Variants in GP9 observed in about 807,000 individuals in gnomAD.
GP9 encodes glycoprotein IX platelet.
For synonymous variants in GP9, 116 were observed against 116.7 expected (o/e 0.99, Z 0.04); for missense variants, 228 against 241.8 (o/e 0.94, Z 0.38).
chr3:129,060,597 C>T (rs1448988587), upstream of GP9, among the ~76,000 whole-genome samples: 2 of 152,388 alleles, frequency 1.3e-5, no homozygotes, highest in Non-Finnish European at 2.9e-5. Context: ...AAGGCACTGG[C>T]GGCACAGTGG....
At chr3:129,060,400 T>C (rs564379778), upstream of GP9, among the ~76,000 whole-genome samples, 1 of 152,350 alleles carries the variant, frequency 6.6e-6, no homozygotes, top group South Asian at 2.1e-4. Flanking sequence ...CAGTGGGAGC[T>C]GCCCAGCCCA....
At chr3:129,055,139 G>A in the GP9 span, among the ~76,000 whole-genome samples, 1 of 152,144 alleles carries the variant, frequency 6.6e-6, no homozygotes, top group Non-Finnish European at 1.5e-5. Context: ...AAAAGGAGGA[G>A]GTATAACGAG....
upstream of GP9, among the ~76,000 whole-genome samples, chr3:129,059,598 C>T (rs770892121): frequency 6.6e-6 from 1 of 152,176 alleles, no homozygotes; most frequent in African/African-American, 2.4e-5. Context: ...CTTCCCCACC[C>T]TTCTCTGAGC....
chr3:129,057,358 A>G (rs1436661210), upstream of GP9, among the ~76,000 whole-genome samples: 1 of 152,150 alleles, frequency 6.6e-6, no homozygotes, highest in Non-Finnish European at 1.5e-5. Context: ...ATCAGGAGGA[A>G]GCCATGTGGG....
At chr3:129,057,957 C>T (rs779497340), upstream of GP9, among the ~76,000 whole-genome samples, 6 of 151,884 alleles carry the variant, frequency 4.0e-5, no homozygotes, top group Admixed American at 6.6e-5. Context: ...CCTCAGCCTC[C>T]CAAGTAGCTG....
upstream of GP9, among the ~76,000 whole-genome samples, chr3:129,058,896 T>C (rs1002004061): frequency 3.9e-5 from 6 of 152,226 alleles, no homozygotes; most frequent in African/African-American, 1.2e-4. Flanking sequence ...AAGCCCTGAT[T>C]TGGGGGCTCA....
chr3:129,062,250 G>C lies in GP9; in HGVS notation c.511G>C (p.Ala171Pro), dbSNP rs986347849. 4 of 1,555,042 alleles carry C rather than the reference G, an allele frequency of 2.6e-6. No homozygotes were observed. Among genetic ancestry groups the C allele is most frequent in the Non-Finnish European group, 3.5e-6 (4 of 1,151,446 alleles). Reference sequence around the variant, plus strand: ...GGCTCTTCTGGCTGGCCTGCTGTGTGCCACCACAGAGGCCCTGGATTGAGC... The same window carrying C: ...GGCTCTTCTGGCTGGCCTGCTGTGTCCCACCACAGAGGCCCTGGATTGAGC... ...GLALLAGLLC[A>P]TTEALD The change falls in exon 3 of 3, where the codon GCC becomes CCC. Residue 171 changes from alanine (A) to proline (P), a missense_variant. By Grantham distance (27) the Ala-to-Pro change is conservative (BLOSUM62 -1). Transcript: ENST00000307395.
chr3:129,059,372 C>T (rs1016791426), upstream of GP9, among the ~76,000 whole-genome samples: 1 of 152,106 alleles, frequency 6.6e-6, no homozygotes, highest in African/African-American at 2.4e-5. Flanking sequence ...CTCCAGAACC[C>T]CTTACCCACC....
upstream of GP9, among the ~76,000 whole-genome samples, chr3:129,058,596 T>C (rs1009779088): frequency 2.0e-5 from 3 of 152,218 alleles, no homozygotes; most frequent in African/African-American, 4.8e-5. Context: ...ACAAATGCCA[T>C]GGCAGCACGC....
At chr3:129,061,470 A>T (rs1238133832) in intron 1 of GP9, 24 bp from the exon 2 acceptor site, 1 of 571,742 alleles carries the variant, frequency 1.7e-6, no homozygotes, top group East Asian at 3.0e-5. Context: ...CCCCTTCCCA[A>T]AAACAAACTT....
At position 129,061,632 on chromosome 3, in the gene GP9, C is replaced by T. The variant is rs1946575627; in HGVS notation, c.-13+13C>T. On this transcript the variant is annotated intron_variant, in intron 2 of 2. Coordinates refer to ENST00000307395, the MANE Select transcript of GP9 (RefSeq NM_000174.5). ...CCCGAGAAGGGAGGTGAGTGCACCC[C>T]GTCCCATGTCAGGCTCCGCTACATC... 1.3e-5 allele frequency: 12 copies of T among 924,712 alleles called. No individual in the cohort carries two copies. The highest frequency in any genetic ancestry group is 6.5e-5 in the African/African-American group (4 of 61,442). The allele number at this position is 924,712 out of a possible 1,614,324, so 57.3% of individuals were successfully genotyped here.
chr3:129,057,932 CAA>C (rs1313847540), upstream of GP9, among the ~76,000 whole-genome samples: 1 of 148,702 alleles, frequency 6.7e-6, no homozygotes, highest in Non-Finnish European at 1.5e-5. Flanking sequence ...TTCCTGGGTT[CAA>C]GTGATTCTCT....
Position 129,061,953 on chromosome 3 carries a change from G to T in GP9, c.214G>T (p.Asp72Tyr). 1 of 1,613,890 alleles carries T rather than the reference G, an allele frequency of 6.2e-7. No individual in the cohort carries two copies. ...TCAGTCCGTGCCCCCGGGAGCCTTT[G>T]ACCACCTGCCCCAGCTGCAGACCCT... is the stretch of plus-strand genomic sequence containing the variant. ...SLQSVPPGAFDHLPQLQTLDV... is the reference protein window; with the variant it reads ...SLQSVPPGAFYHLPQLQTLDV... Residue 72 changes from aspartate to tyrosine, a missense_variant, in exon 3 of 3, where the codon GAC (aspartate) becomes TAC (tyrosine). By Grantham distance (160) the Asp-to-Tyr change is radical. Coordinates refer to ENST00000307395, the MANE Select transcript of GP9 (RefSeq NM_000174.5).
upstream of GP9, among the ~76,000 whole-genome samples, chr3:129,059,130 T>G (rs1448158208): frequency 6.6e-6 from 1 of 152,238 alleles, no homozygotes; most frequent in East Asian, 1.9e-4. Context: ...GAAATTTTTA[T>G]TTTCTTCTTC....
At chr3:129,060,548 C>T (rs1946562421), upstream of GP9, among the ~76,000 whole-genome samples, 1 of 152,252 alleles carries the variant, frequency 6.6e-6, no homozygotes, top group South Asian at 2.1e-4. Flanking sequence ...GGTGAGGGGC[C>T]ACCCTCAGTC....
At chr3:129,058,162 G>C (rs1246163227), upstream of GP9, among the ~76,000 whole-genome samples, 1 of 152,162 alleles carries the variant, frequency 6.6e-6, no homozygotes, top group African/African-American at 2.4e-5. Flanking sequence ...TAACCTGATG[G>C]AATGACCCAG....
chr3:129,058,667 T>C (rs940946973), upstream of GP9, among the ~76,000 whole-genome samples: 3 of 152,228 alleles, frequency 2.0e-5, no homozygotes, highest in Admixed American at 6.5e-5. Context: ...TCTAGAAAGT[T>C]TGAAATAACC....
Position 129,062,116 on chromosome 3 carries a change from G to C in GP9, c.377G>C (p.Arg126Pro). Reference sequence around the variant, plus strand: ...CTCGCTGCCCATGGCCCGCTGGGCCGGCTGACAGGCTACCAGCTGGGCAGC... The same window carrying C: ...CTCGCTGCCCATGGCCCGCTGGGCCCGCTGACAGGCTACCAGCTGGGCAGC... ...PSLAAHGPLG[R>P]LTGYQLGSCG... The change falls in exon 3 of 3, where the codon CGG (arginine) becomes CCG (proline). Residue 126 changes from arginine to proline, a missense_variant. Arg to Pro is a moderately radical substitution (Grantham distance 103). Transcript: ENST00000307395. The C allele has an allele frequency of 6.3e-7, 1 of 1,596,118 alleles. No homozygotes were observed. The highest frequency in any genetic ancestry group is 8.5e-7 in the Non-Finnish European group (1 of 1,173,068).
upstream of GP9, among the ~76,000 whole-genome samples, chr3:129,059,184 A>G (rs138175196): frequency 7.9e-5 from 12 of 152,316 alleles, no homozygotes; most frequent in East Asian, 2.3e-3. Flanking sequence ...AAAATCATTT[A>G]TTTGTTATTT....
Sources: allele counts gnomAD v4.1 joint callset (sites outside exome capture counted in the v4.1 genomes callset), GRCh38; gene constraint gnomAD v4.1.1; transcripts MANE v1.5; gene names NCBI Gene and HGNC (gene_info 2026-07-23, HGNC 2026-07-21).